The following NRG1 variants were observed in gnomAD, a reference collection of about 807,000 sequenced individuals.
The protein encoded by NRG1 is pro-neuregulin-1, membrane-bound isoform.
In NRG1, 18 loss-of-function variants were observed where a neutral mutation model predicts 63.8. That is an observed-to-expected ratio of 0.28 (90% CI 0.19 to 0.42). NRG1 has a LOEUF of 0.42. Ranked by LOEUF, NRG1 falls within the 10% of genes least tolerant of loss-of-function variation. The pLI is 1.00. For missense variants in NRG1, 762 were observed against 814.7 expected, an observed-to-expected ratio of 0.94 and a Z score of 0.79; for synonymous variants, 302 against 301.3, an observed-to-expected ratio of 1.00 and a Z score of -0.02.
chr8:32,667,060 T>C (rs1170909691), intron 5 of NRG1, among the ~76,000 whole-genome samples: 1 of 152,188 alleles, frequency 6.6e-6, no homozygotes, highest in African/African-American at 2.4e-5. Context: ...TGTACGAACA[T>C]CATAGAGTGA....
chr8:31,658,530 A>G (rs1373952511), intron 1 of NRG1, among the ~76,000 whole-genome samples: 1 of 152,008 alleles, frequency 6.6e-6, no homozygotes, highest in African/African-American at 2.4e-5. Context: ...TGGTGCAATC[A>G]TGGCTCACTA....
At chr8:31,828,814 G>A (rs1438040932) in intron 1 of NRG1, among the ~76,000 whole-genome samples, 1 of 152,132 alleles carries the variant, frequency 6.6e-6, no homozygotes, top group Admixed American at 6.5e-5. Flanking sequence ...CTTCAAACTG[G>A]TGCTTAGATT....
intron 5 of NRG1, among the ~76,000 whole-genome samples, chr8:32,667,488 CT>C (rs913101213): frequency 1.3e-5 from 2 of 152,034 alleles, no homozygotes; most frequent in African/African-American, 2.4e-5. Context: ...CCAATGGAAC[CT>C]TTTTTTAGTG....
intron 1 of NRG1, among the ~76,000 whole-genome samples, chr8:31,903,148 C>CTTTTTT (rs35433200): frequency 0.018 from 2,213 of 125,384 alleles, 73 homozygotes; most frequent in Middle Eastern, 0.039. Flanking sequence ...GAGCCTTCAA[C>CTTTTTT]TTTTTTTTTT....
At position 31,758,589 on chromosome 8, in the gene NRG1, T is replaced by G. The variant is rs79020860; in HGVS notation, c.37+119158T>G. Among the ~76,000 whole-genome samples the G allele has an allele frequency of 8.0e-3, 1,220 of 152,196 alleles. 53 individuals are homozygous for G. The East Asian group carries it at 0.13, about 16-fold the overall frequency. ...AAGGACATGGATGAAGTGCCTGGAT[T>G]ATTTAGCTTGGTGTAATGGTTTTGA... is the stretch of plus-strand genomic sequence containing the variant. On this transcript the variant is annotated intron_variant, in intron 1 of 10. Transcript: ENST00000519301.
intron 1 of NRG1, among the ~76,000 whole-genome samples, chr8:31,790,985 C>G (rs780418464): frequency 6.6e-6 from 1 of 151,858 alleles, no homozygotes; most frequent in Non-Finnish European, 1.5e-5. Context: ...CTGAGGTGGG[C>G]GGATCACTTG....
At chr8:32,011,183 T>C (rs1165865974) in intron 1 of NRG1, among the ~76,000 whole-genome samples, 3 of 152,104 alleles carry the variant, frequency 2.0e-5, no homozygotes, top group African/African-American at 4.8e-5. Flanking sequence ...GAAAAATGTA[T>C]GCGTCTCCCG....
intron 6 of NRG1, among the ~76,000 whole-genome samples, chr8:32,735,870 A>G (rs554829402): frequency 1.3e-5 from 2 of 152,328 alleles, no homozygotes; most frequent in African/African-American, 4.8e-5. Context: ...CTGGACATTG[A>G]AAAACAACAT....
downstream of NRG1, among the ~76,000 whole-genome samples, chr8:32,768,830 T>A (rs1287603977): frequency 6.6e-6 from 1 of 152,100 alleles, no homozygotes; most frequent in Non-Finnish European, 1.5e-5. Context: ...AGTTTGGGGG[T>A]AACCTGAGAC....
chr8:32,095,575 A>G (rs1005094079), intron 1 of NRG1, among the ~76,000 whole-genome samples: 5 of 152,194 alleles, frequency 3.3e-5, no homozygotes, highest in East Asian at 3.8e-4. Context: ...AAAGAATAAC[A>G]TCTAGCTGAT....
At position 31,999,599 on chromosome 8, in the gene NRG1, G is replaced by C. The variant is rs567036263; in HGVS notation, c.37+360168G>C. Among the ~76,000 whole-genome samples, 5 of 151,976 alleles carry C rather than the reference G, an allele frequency of 3.3e-5. No homozygotes were observed. The East Asian group carries it at 7.8e-4, about 24-fold the overall frequency. On this transcript the variant is annotated intron_variant, in intron 1 of 10. Coordinates refer to the NRG1 transcript ENST00000519301. ...TTACCTTAGTAAAATTCAAAAAACA[G>C]GTTCATTAGTAATTTCTTCAAAGAA...
intron 5 of NRG1, among the ~76,000 whole-genome samples, chr8:32,706,036 A>C (rs927522990): frequency 6.6e-6 from 1 of 152,236 alleles, no homozygotes; most frequent in African/African-American, 2.4e-5. Flanking sequence ...ATATTAATCT[A>C]CTTAAGAGGA....
intron 1 of NRG1, among the ~76,000 whole-genome samples, chr8:31,788,643 T>C (rs989735396): frequency 3.3e-5 from 5 of 152,176 alleles, no homozygotes; most frequent in Non-Finnish European, 7.4e-5. Flanking sequence ...TTTGTAGTGA[T>C]TTGTTGTTGT....
intron 1 of NRG1, among the ~76,000 whole-genome samples, chr8:32,278,661 C>G (rs991389140): frequency 5.9e-5 from 9 of 152,202 alleles, no homozygotes; most frequent in African/African-American, 2.2e-4. Flanking sequence ...CACATCACCA[C>G]AGACCACTCA....
chr8:32,291,063 C>G (rs1366726706), intron 1 of NRG1, among the ~76,000 whole-genome samples: 2 of 152,054 alleles, frequency 1.3e-5, no homozygotes, highest in Non-Finnish European at 2.9e-5. Flanking sequence ...CAGTTCCAGT[C>G]CAAAGTCAGG....
In NRG1 at chr8:32,457,537, G is replaced by A. The variant is rs563607374; in HGVS notation, c.38-138291G>A. Among the ~76,000 whole-genome samples, 31 of 152,244 alleles carry A rather than the reference G, an allele frequency of 2.0e-4. No homozygotes were observed. In the South Asian group the frequency reaches 4.6e-3, roughly 22 times the overall value. On this transcript the variant is annotated intron_variant, in intron 1 of 10. Coordinates refer to the NRG1 transcript ENST00000519301. Reference sequence around the variant, plus strand: ...TATAAAAGGAAATAGAAATCCCTATGTATTCAATGTTTTTAAAGTTTAATA... The same window carrying A: ...TATAAAAGGAAATAGAAATCCCTATATATTCAATGTTTTTAAAGTTTAATA...
chr8:32,514,227 A>G (rs71512636), intron 1 of NRG1, among the ~76,000 whole-genome samples: 1 of 152,194 alleles, frequency 6.6e-6, no homozygotes, highest in Admixed American at 6.5e-5. Flanking sequence ...AATTAGACAA[A>G]CAAGAATCAT....
At chr8:31,813,516 CTTTTTTTTTTTTT>C (rs377718067) in intron 1 of NRG1, among the ~76,000 whole-genome samples, 1 of 101,216 alleles carries the variant, frequency 9.9e-6, no homozygotes, top group South Asian at 3.5e-4. Flanking sequence ...CTTTTCTTTT[CTTTTTTTTTTTTT>C]TTTTGTTTTT....
At chr8:32,541,746 G>A (rs1832595042) in intron 1 of NRG1, among the ~76,000 whole-genome samples, 1 of 152,166 alleles carries the variant, frequency 6.6e-6, no homozygotes, top group Admixed American at 6.6e-5. Flanking sequence ...TCTCTTGGCT[G>A]TATAATAAAT....
Sources: allele counts gnomAD v4.1 joint callset (sites outside exome capture counted in the v4.1 genomes callset), GRCh38; gene constraint gnomAD v4.1.1; transcripts MANE v1.5; gene names NCBI Gene and HGNC (gene_info 2026-07-23, HGNC 2026-07-21).